The following GRB10 variants were observed in gnomAD, a reference collection of about 807,000 sequenced individuals.
The protein encoded by GRB10 is growth factor receptor-bound protein 10.
A neutral mutation model predicts 80.9 loss-of-function variants in GRB10; 20 were observed. The observed-to-expected ratio is 0.25, with a 90% CI of 0.17 to 0.36. GRB10 has a LOEUF of 0.36. GRB10 is among the 10% of genes least tolerant of loss of function. GRB10 has a pLI of 1.00. For synonymous variants in GRB10, 291 were observed against 291.5 expected (o/e 1.00, Z 0.02); for missense variants, 548 against 747.7 (o/e 0.73, Z 3.12).
chr7:50,655,941 G>T (rs1376377879), intron 7 of GRB10, among the ~76,000 whole-genome samples: 4 of 152,330 alleles, frequency 2.6e-5, no homozygotes, highest in African/African-American at 9.6e-5. Flanking sequence ...CTGGCAGCAT[G>T]TTGGAAACTG....
intron 11 of GRB10, among the ~76,000 whole-genome samples, chr7:50,615,121 T>C (rs1335922877): frequency 6.6e-6 from 1 of 152,170 alleles, no homozygotes; most frequent in African/African-American, 2.4e-5. Flanking sequence ...GGAACGTATT[T>C]GATACTTCTG....
intron 4 of GRB10, among the ~76,000 whole-genome samples, chr7:50,710,424 G>A (rs759468144): frequency 3.9e-5 from 6 of 152,178 alleles, no homozygotes; most frequent in Non-Finnish European, 5.9e-5. Flanking sequence ...TTGGCGTTCC[G>A]TTTCAACTAG....
At chr7:50,765,914 A>G (rs2076298287) in intron 2 of GRB10, among the ~76,000 whole-genome samples, 1 of 152,238 alleles carries the variant, frequency 6.6e-6, no homozygotes, top group South Asian at 2.1e-4. Context: ...AATTACATGC[A>G]TGCATTAAAT....
chr7:50,787,609 T>TA (rs2078748249), upstream of GRB10, among the ~76,000 whole-genome samples: 1 of 152,158 alleles, frequency 6.6e-6, no homozygotes, highest in Non-Finnish European at 1.5e-5. Context: ...GTCCACTCAC[T>TA]GCCCTGCAGG....
chr7:50,724,540 G>A (rs973501384), intron 4 of GRB10, among the ~76,000 whole-genome samples: 8 of 152,208 alleles, frequency 5.3e-5, no homozygotes, highest in African/African-American at 1.9e-4. Flanking sequence ...CTACAATGAG[G>A]GATGGGAGGA....
intron 7 of GRB10, among the ~76,000 whole-genome samples, chr7:50,631,483 T>C (rs776998865): frequency 1.3e-5 from 2 of 152,236 alleles, no homozygotes; most frequent in Non-Finnish European, 2.9e-5. Context: ...TGCTTAATTA[T>C]GATCTAGCAT....
intron 2 of GRB10, among the ~76,000 whole-genome samples, chr7:50,761,424 A>G (rs1369735565): frequency 6.6e-6 from 1 of 152,194 alleles, no homozygotes; most frequent in African/African-American, 2.4e-5. Context: ...AATTTCTTTT[A>G]AAATCCCCTG....
At chr7:50,781,107 G>A (rs1273975892) in intron 1 of GRB10, 2 of 152,188 alleles carry the variant, frequency 1.3e-5, no homozygotes, top group African/African-American at 4.8e-5. Flanking sequence ...TTCCTCAGCA[G>A]TTAGTATGCA....
intron 4 of GRB10, among the ~76,000 whole-genome samples, 191 bp downstream of exon 4, chr7:50,732,081 G>A (rs1476358119): frequency 6.6e-6 from 1 of 152,228 alleles, no homozygotes; most frequent in South Asian, 2.1e-4. Context: ...ACAAGGCAAA[G>A]CAAGACACAG....
At chr7:50,626,651 G>T (rs796237391) in intron 8 of GRB10, among the ~76,000 whole-genome samples, 171 bp downstream of exon 8, 15 of 152,354 alleles carry the variant, frequency 9.8e-5, no homozygotes, top group African/African-American at 3.6e-4. Flanking sequence ...GGGGCTGGAG[G>T]GAGGAGAGTG....
intron 5 of GRB10, among the ~76,000 whole-genome samples, chr7:50,675,643 T>G (rs1044849096): frequency 3.3e-5 from 5 of 152,228 alleles, no homozygotes; most frequent in Non-Finnish European, 7.3e-5. Flanking sequence ...AACCCTTCCC[T>G]GGATGTCCAG....
intron 2 of GRB10, chr7:50,779,598 A>G (rs2078073281): frequency 6.6e-6 from 1 of 152,154 alleles, no homozygotes; most frequent in African/African-American, 2.4e-5. Context: ...ACACCTGTTG[A>G]GTGAATGACA....
chr7:50,615,808 T>C (rs1236968102), intron 11 of GRB10, among the ~76,000 whole-genome samples: 1 of 152,254 alleles, frequency 6.6e-6, no homozygotes, highest in African/African-American at 2.4e-5. Context: ...AAGCCTGCAG[T>C]TTATTTCATG....
intron 7 of GRB10, among the ~76,000 whole-genome samples, chr7:50,628,649 G>T (rs989151551): frequency 6.6e-5 from 10 of 152,106 alleles, no homozygotes. Context: ...CCCAGCAGAC[G>T]GGGGACCAGC....
rs115523731 is a variant in GRB10 at position 50,724,955 on chromosome 7, C to T, written c.51+7317G>A. On this transcript the variant is annotated intron_variant, in intron 4 of 18. Coordinates refer to ENST00000401949, the MANE Select transcript of GRB10 (RefSeq NM_001350814.2). ...CAAGGATTCATGCTCCAACCAGGTA[C>T]GCCATGATGCCTTTCCAAGTCTGCG... Among the ~76,000 whole-genome samples the T allele has an allele frequency of 5.8e-3, 876 of 152,274 alleles. 13 individuals carry two copies. The highest frequency in any genetic ancestry group is 0.02 in the African/African-American group (821 of 41,540).
At chr7:50,618,211 T>C in intron 9 of GRB10, 72 bp from the exon 10 acceptor site, 6 of 1,149,604 alleles carry the variant, frequency 5.2e-6, no homozygotes, top group Non-Finnish European at 7.8e-6. Flanking sequence ...CATATAGATA[T>C]GTCAATTTTA....
chr7:50,674,720 A>C, intron 5 of GRB10, 62 bp from the exon 6 acceptor site: 1 of 1,370,178 alleles, frequency 7.3e-7, no homozygotes, highest in Non-Finnish European at 1.0e-6. Flanking sequence ...TCAAACCCAA[A>C]TGTACATCTT....
chr7:50,754,897 G>A (rs2074814875), intron 3 of GRB10, among the ~76,000 whole-genome samples: 2 of 152,178 alleles, frequency 1.3e-5, no homozygotes, highest in Non-Finnish European at 2.9e-5. Context: ...ACAAAGGTGG[G>A]CCCTAATCCA....
chr7:50,722,057 C>T (rs1045801797), intron 4 of GRB10, among the ~76,000 whole-genome samples: 2 of 152,148 alleles, frequency 1.3e-5, no homozygotes, highest in African/African-American at 4.8e-5. Context: ...AGGAGGCTGG[C>T]CCGGTCACTA....
Sources: gnomAD v4.1 joint callset for allele counts (sites outside exome capture counted in the v4.1 genomes callset) on GRCh38, gnomAD v4.1.1 for gene constraint, MANE v1.5 for transcripts, NCBI Gene and HGNC (gene_info 2026-07-23, HGNC 2026-07-21) for gene names.